The following MACROD2 variants were observed in gnomAD, a reference collection of about 807,000 sequenced individuals.
The protein encoded by MACROD2 is ADP-ribose glycohydrolase MACROD2.
A neutral mutation model predicts 70.4 loss-of-function variants in MACROD2; 36 were observed. The ratio of observed to expected loss-of-function variants is 0.51; its 90% CI spans 0.39 to 0.68. MACROD2 has a LOEUF of 0.68. MACROD2 is among the 30% of genes least tolerant of loss of function. The pLI, the probability that MACROD2 is intolerant of heterozygous loss-of-function variation, is 0.00. For synonymous variants in MACROD2, 172 were observed against 178.8 expected (o/e 0.96, Z 0.30); for missense variants, 496 against 538.4 (o/e 0.92, Z 0.78).
At chr20:15,555,937 A>G (rs1024057457) in intron 8 of MACROD2, among the ~76,000 whole-genome samples, 3 of 152,070 alleles carry the variant, frequency 2.0e-5, no homozygotes, top group African/African-American at 4.8e-5. Flanking sequence ...ATAATCTCCA[A>G]ATGAAGAACA....
intron 4 of MACROD2, chr20:14,566,503 T>G (rs1265296421): frequency 6.6e-6 from 1 of 152,050 alleles, no homozygotes. Flanking sequence ...TATGTGAGAT[T>G]GCTTTAAAAA....
chr20:15,945,581 C>A (rs1223360803), intron 12 of MACROD2, among the ~76,000 whole-genome samples: 2 of 152,168 alleles, frequency 1.3e-5, no homozygotes, highest in Non-Finnish European at 2.9e-5. Flanking sequence ...ATAGATGTTG[C>A]CAAATTGCTT....
intron 4 of MACROD2, among the ~76,000 whole-genome samples, chr20:14,586,560 G>A (rs577308641): frequency 6.6e-6 from 1 of 152,070 alleles, no homozygotes; most frequent in South Asian, 2.1e-4. Flanking sequence ...TACCAATCTG[G>A]CTTTCTCTGT....
At chr20:15,242,639 G>A (rs111659919) in intron 6 of MACROD2, among the ~76,000 whole-genome samples, 42 of 152,190 alleles carry the variant, frequency 2.8e-4, no homozygotes, top group South Asian at 1.9e-3. Context: ...TTAAGCTATC[G>A]TAAGAAAACA....
intron 3 of MACROD2, among the ~76,000 whole-genome samples, chr20:14,335,374 G>A (rs2082917891): frequency 6.6e-6 from 1 of 152,270 alleles, no homozygotes; most frequent in African/African-American, 2.4e-5. Context: ...ACAGCCACAA[G>A]ATTTCAACCA....
At chr20:15,041,434 A>AAAGAGAG (rs2075355637) in intron 5 of MACROD2, among the ~76,000 whole-genome samples, 1 of 151,974 alleles carries the variant, frequency 6.6e-6, no homozygotes, top group Admixed American at 6.6e-5. Context: ...TTTTTAAATT[A>AAAGAGAG]ATTTCTCTCT....
chr20:14,939,672 C>T (rs1212351470), intron 5 of MACROD2, among the ~76,000 whole-genome samples: 1 of 152,048 alleles, frequency 6.6e-6, no homozygotes, highest in Non-Finnish European at 1.5e-5. Context: ...TGTAAAATTG[C>T]TTTGGATAAT....
At chr20:15,627,642 G>T (rs1485169472) in intron 8 of MACROD2, among the ~76,000 whole-genome samples, 1 of 152,098 alleles carries the variant, frequency 6.6e-6, no homozygotes, top group African/African-American at 2.4e-5. Context: ...CAAGGTTGGT[G>T]GGGGCCAGGT....
intron 6 of MACROD2, among the ~76,000 whole-genome samples, chr20:15,351,148 T>A (rs1221742919): frequency 6.6e-6 from 1 of 152,036 alleles, no homozygotes; most frequent in Non-Finnish European, 1.5e-5. Context: ...CAGGGGAAGA[T>A]GTTAATAAGT....
At chr20:15,688,944 C>A (rs1568975896) in intron 8 of MACROD2, among the ~76,000 whole-genome samples, 1 of 152,210 alleles carries the variant, frequency 6.6e-6, no homozygotes, top group Non-Finnish European at 1.5e-5. Flanking sequence ...TCGTGGATAA[C>A]AAGTATTTAT....
chr20:16,014,982 T>C (rs930789367), intron 15 of MACROD2, among the ~76,000 whole-genome samples: 1 of 152,224 alleles, frequency 6.6e-6, no homozygotes, highest in African/African-American at 2.4e-5. Context: ...AAGTTTATTT[T>C]GCTGTTGGAC....
intron 2 of MACROD2, among the ~76,000 whole-genome samples, chr20:14,083,730 G>T (rs2054032021): frequency 6.6e-6 from 1 of 151,986 alleles, no homozygotes; most frequent in Admixed American, 6.6e-5. Flanking sequence ...CATACAAGTT[G>T]CCCACATTAT....
intron 5 of MACROD2, among the ~76,000 whole-genome samples, chr20:14,887,688 A>T (rs377357064): frequency 2.0e-5 from 3 of 152,068 alleles, no homozygotes; most frequent in African/African-American, 4.8e-5. Flanking sequence ...GTGGCTGGCC[A>T]TGTTGAGCAT....
chr20:15,474,600 A>G (rs1049389665), intron 7 of MACROD2, among the ~76,000 whole-genome samples: 3 of 152,206 alleles, frequency 2.0e-5, no homozygotes, highest in Admixed American at 2.0e-4. Context: ...GCAATCGGAA[A>G]ACTGACTCAG....
chr20:15,798,551 G>A (rs2063696111), intron 8 of MACROD2, among the ~76,000 whole-genome samples: 1 of 152,162 alleles, frequency 6.6e-6, no homozygotes. Flanking sequence ...TAAAAAGTAA[G>A]TCACAAGCCT....
chr20:15,171,598 C>T (rs1243275714), intron 5 of MACROD2, among the ~76,000 whole-genome samples: 2 of 152,092 alleles, frequency 1.3e-5, no homozygotes, highest in African/African-American at 4.8e-5. Flanking sequence ...CCTTACATCC[C>T]ACCATCCCAC....
chr20:14,255,552 G>T (rs989843753), intron 3 of MACROD2, among the ~76,000 whole-genome samples: 1 of 151,790 alleles, frequency 6.6e-6, no homozygotes, highest in African/African-American at 2.4e-5. Flanking sequence ...GGGGCAGGGG[G>T]GAGGGATAGC....
Position 14,120,234 on chromosome 20 carries a change from A to AAG in MACROD2, c.271+34506_271+34507insAG, listed in dbSNP as rs1555922267. Among the ~76,000 whole-genome samples, 763 of 147,576 alleles carry AAG rather than the reference A, an allele frequency of 5.2e-3. 5 individuals are homozygous for AAG. Among genetic ancestry groups the AAG allele is most frequent in the Non-Finnish European group, 9.5e-3 (632 of 66,658 alleles). ...GTCTCAAAAAAAAAAAAAAAAAAAAAGAAGAAGACATTTATGTGGCCAAAA... is the reference window on the plus strand; with the variant it reads ...GTCTCAAAAAAAAAAAAAAAAAAAAAAGGAAGAAGACATTTATGTGGCCAAAA... On this transcript the variant is annotated intron_variant, in intron 3 of 17. Transcript: ENST00000684519.
intron 7 of MACROD2, among the ~76,000 whole-genome samples, chr20:15,488,993 C>T (rs1281141953): frequency 6.6e-6 from 1 of 152,162 alleles, no homozygotes; most frequent in Non-Finnish European, 1.5e-5. Flanking sequence ...GACACTGGAG[C>T]TCATAAGTTT....
Sources: gnomAD v4.1 joint callset for allele counts (sites outside exome capture counted in the v4.1 genomes callset) on GRCh38, gnomAD v4.1.1 for gene constraint, MANE v1.5 for transcripts, NCBI Gene and HGNC (gene_info 2026-07-23, HGNC 2026-07-21) for gene names.